SEMA3D: variants seen among roughly 807,000 people sequenced by gnomAD.
The protein encoded by SEMA3D is semaphorin 3D, also known as semaphorin-3D.
SEMA3D carries 84 observed loss-of-function variants against 100.1 expected under a neutral mutation model. The observed-to-expected ratio is 0.84, with a 90% CI of 0.70 to 1.01. The LOEUF (loss-of-function observed/expected upper bound fraction) is 1.01. SEMA3D is among the 50% of genes least tolerant of loss of function. The probability of loss-of-function intolerance (pLI) is 0.00; values close to 1 mark genes in which losing one functional copy is unlikely to be tolerated. For missense variants in SEMA3D, 875 were observed against 934.1 expected, an observed-to-expected ratio of 0.94 and a Z score of 0.82; for synonymous variants, 312 against 320.7, an observed-to-expected ratio of 0.97 and a Z score of 0.29.
chr7:85,010,601 TA>T (rs1789924284), intron 17 of SEMA3D, among the ~76,000 whole-genome samples: 1 of 151,780 alleles, frequency 6.6e-6, no homozygotes, highest in Admixed American at 6.6e-5. Context: ...GAAAATAATA[TA>T]AAAGTGACTC....
intron 1 of SEMA3D, among the ~76,000 whole-genome samples, chr7:85,163,659 C>A (rs1790808555): frequency 6.6e-6 from 1 of 152,000 alleles, no homozygotes; most frequent in Non-Finnish European, 1.5e-5. Flanking sequence ...AATGTAAATT[C>A]ATGGAAAATG....
chr7:85,200,854 C>T, the SEMA3D span, among the ~76,000 whole-genome samples: 14 of 152,158 alleles, frequency 9.2e-5, no homozygotes, highest in Admixed American at 4.6e-4. Flanking sequence ...GGACTTGGGG[C>T]CCTGCATCCC....
chr7:85,151,552 G>T, intron 2 of SEMA3D: 1 of 804,250 alleles, frequency 1.2e-6, no homozygotes, highest in Non-Finnish European at 1.5e-6. Context: ...TTCTATGCTG[G>T]TTAAAATAGA....
At chr7:85,194,762 G>T in the SEMA3D span, among the ~76,000 whole-genome samples, 9 of 152,154 alleles carry the variant, frequency 5.9e-5, no homozygotes, top group Admixed American at 2.0e-4. Flanking sequence ...GAGGCTATAA[G>T]TCAAAGATCA....
At chr7:85,025,165 G>C (rs1790358818) in intron 12 of SEMA3D, among the ~76,000 whole-genome samples, 1 of 151,904 alleles carries the variant, frequency 6.6e-6, no homozygotes, top group African/African-American at 2.4e-5. Flanking sequence ...ATTTATTTCT[G>C]CCTCCAGTTT....
Position 85,097,897 on chromosome 7 carries a change from G to A in SEMA3D, c.220C>T (p.Leu74Phe). 2 of 1,609,178 alleles carry A rather than the reference G, an allele frequency of 1.2e-6. No individual in the cohort carries two copies. Among genetic ancestry groups the A allele is most frequent in the Non-Finnish European group, 1.7e-6 (2 of 1,176,668 alleles). Residue 74 changes from leucine (L) to phenylalanine (F), a missense_variant, in exon 4 of 19, where the codon CTC (leucine) becomes TTC (phenylalanine). Physicochemically the swap from Leu to Phe is conservative, Grantham distance 22 (BLOSUM62 0). Transcript: ENST00000284136. ...SSEGLDFQTL[L>F]LDEERGRLLL... ...AGCCTGCCTCTTTCCTCATCTAAGA[G>A]AAGAGTTTGAAAATCCAGTCCTTCT...
At chr7:85,044,271 G>T (rs944002908) in intron 9 of SEMA3D, among the ~76,000 whole-genome samples, 6 of 151,960 alleles carry the variant, frequency 3.9e-5, no homozygotes, top group African/African-American at 1.4e-4. Flanking sequence ...AAAGGGGGAA[G>T]GGGAGAAAGA....
intron 2 of SEMA3D, among the ~76,000 whole-genome samples, chr7:85,129,554 A>T (rs1049123819): frequency 6.6e-6 from 1 of 152,170 alleles, no homozygotes; most frequent in African/African-American, 2.4e-5. Flanking sequence ...ACATGTAAAA[A>T]TATGTAAGCC....
At position 85,067,712 on chromosome 7, in the gene SEMA3D, T is replaced by A. The variant is rs554829446; in HGVS notation, c.589+479A>T. Reference sequence around the variant, plus strand: ...TGAGAGAAGACTAGCTATGCTAGCATAAATTTCATGTTTCCACTGATATAA... The same window carrying A: ...TGAGAGAAGACTAGCTATGCTAGCAAAAATTTCATGTTTCCACTGATATAA... On this transcript the variant is annotated intron_variant, in intron 7 of 18. Coordinates refer to ENST00000284136, the MANE Select transcript of SEMA3D (RefSeq NM_001384900.1). 2.6e-5 allele frequency among the ~76,000 whole-genome samples: 4 copies of A among 152,334 alleles called. No individual in the cohort carries two copies. In the South Asian group the frequency reaches 8.3e-4, roughly 32 times the overall value.
chr7:85,220,429 A>G, the SEMA3D span, among the ~76,000 whole-genome samples: 1 of 149,270 alleles, frequency 6.7e-6, no homozygotes, highest in Non-Finnish European at 1.5e-5. Flanking sequence ...AAAAATGTTT[A>G]TTGGCACTCT....
chr7:85,249,102 C>T, the SEMA3D span, among the ~76,000 whole-genome samples: 5 of 152,154 alleles, frequency 3.3e-5, no homozygotes, highest in Non-Finnish European at 5.9e-5. Flanking sequence ...TATGGTATCT[C>T]TTCCTCTCAA....
At chr7:85,178,577 T>G (rs1791304844) in intron 1 of SEMA3D, among the ~76,000 whole-genome samples, 1 of 152,072 alleles carries the variant, frequency 6.6e-6, no homozygotes, top group Non-Finnish European at 1.5e-5. Context: ...ATTTAGGGTA[T>G]CTGGCAGAAA....
rs115859316 is a variant in SEMA3D, at chr7:85,030,781, A to G, written c.1191+6108T>C. 8.8e-3 allele frequency among the ~76,000 whole-genome samples: 1,339 copies of G among 152,122 alleles called. 21 individuals carry two copies. The highest frequency in any genetic ancestry group is 0.03 in the African/African-American group (1,259 of 41,554). ...AAGTTGGAAATTTTCTGCCTTTACAAATCTTTCTTAGATTCTGGGTTTTCT... is the reference window on the plus strand; with the variant it reads ...AAGTTGGAAATTTTCTGCCTTTACAGATCTTTCTTAGATTCTGGGTTTTCT... On this transcript the variant is annotated intron_variant, in intron 12 of 18. Coordinates refer to ENST00000284136, the MANE Select transcript of SEMA3D (RefSeq NM_001384900.1).
chr7:85,115,193 A>G (rs1789202867), intron 3 of SEMA3D, among the ~76,000 whole-genome samples: 1 of 152,210 alleles, frequency 6.6e-6, no homozygotes, highest in African/African-American at 2.4e-5. Context: ...TTATGTCTAC[A>G]GTGAGCAAGA....
the SEMA3D span, among the ~76,000 whole-genome samples, chr7:85,223,562 A>G: frequency 2.6e-5 from 4 of 152,070 alleles, no homozygotes; most frequent in East Asian, 7.7e-4. Flanking sequence ...GTGTGTGTAT[A>G]CACCATGGAA....
intron 2 of SEMA3D, among the ~76,000 whole-genome samples, chr7:85,136,878 T>C (rs1371801926): frequency 6.6e-6 from 1 of 152,034 alleles, no homozygotes; most frequent in Non-Finnish European, 1.5e-5. Context: ...GAGTTAAGGG[T>C]CTAAAGACAT....
At chr7:85,066,172 A>G (rs80327665) in intron 7 of SEMA3D, among the ~76,000 whole-genome samples, 2 of 152,258 alleles carry the variant, frequency 1.3e-5, no homozygotes, top group East Asian at 3.9e-4. Flanking sequence ...TTGTTCTGCT[A>G]TTTGTGTAAA....
intron 1 of SEMA3D, among the ~76,000 whole-genome samples, chr7:85,156,019 T>C (rs1172133619): frequency 1.3e-5 from 2 of 152,198 alleles, no homozygotes; most frequent in Admixed American, 1.3e-4. Flanking sequence ...TATCACCTAT[T>C]TGTTACATAT....
At chr7:85,101,314 C>T (rs145822546) in intron 3 of SEMA3D, among the ~76,000 whole-genome samples, 11 of 152,078 alleles carry the variant, frequency 7.2e-5, no homozygotes, top group African/African-American at 1.2e-4. Flanking sequence ...TTTATACAAT[C>T]GAAATCCTTA....
Sources: gnomAD v4.1 joint callset for allele counts (sites outside exome capture counted in the v4.1 genomes callset) on GRCh38, gnomAD v4.1.1 for gene constraint, MANE v1.5 for transcripts, NCBI Gene and HGNC (gene_info 2026-07-23, HGNC 2026-07-21) for gene names.